The following QKI variants were observed in gnomAD, a reference collection of about 807,000 sequenced individuals.
The protein encoded by QKI is KH domain-containing RNA-binding protein QKI.
Under a neutral mutation model 39.0 loss-of-function variants are expected in QKI, and 10 were observed. The ratio of observed to expected loss-of-function variants is 0.26; its 90% confidence interval spans 0.16 to 0.43. The LOEUF is 0.43. Ranked by LOEUF, QKI falls within the 20% of genes least tolerant of loss-of-function variation. The probability of loss-of-function intolerance (pLI) is 1.00; values close to 1 mark genes in which losing one functional copy is unlikely to be tolerated. For missense variants in QKI, 218 were observed against 428.0 expected, an observed-to-expected ratio of 0.51 and a Z score of 4.33; for synonymous variants, 204 against 155.4, an observed-to-expected ratio of 1.31 and a Z score of -2.33.
chr6:163,525,702 T>A (rs1022466292), intron 3 of QKI, among the ~76,000 whole-genome samples: 3 of 152,204 alleles, frequency 2.0e-5, no homozygotes, highest in African/African-American at 7.2e-5. Context: ...GAAATAATTG[T>A]AATCTTGATT....
intron 3 of QKI, among the ~76,000 whole-genome samples, chr6:163,528,942 A>C (rs997292515): frequency 6.6e-6 from 1 of 152,156 alleles, no homozygotes; most frequent in Non-Finnish European, 1.5e-5. Context: ...CTTTGCTGTT[A>C]TATTGAGATA....
At chr6:163,482,332 ACAC>A (rs1467432206) in intron 3 of QKI, among the ~76,000 whole-genome samples, 2 of 152,206 alleles carry the variant, frequency 1.3e-5, no homozygotes, top group Non-Finnish European at 2.9e-5. Context: ...ACCATTTCAC[ACAC>A]CACCCAGTAC....
At chr6:163,533,999 A>G (rs1218429500) in intron 3 of QKI, among the ~76,000 whole-genome samples, 2 of 152,236 alleles carry the variant, frequency 1.3e-5, no homozygotes, top group African/African-American at 4.8e-5. Context: ...AACTTCTAAA[A>G]TAAAGGTCCA....
chr6:163,419,491 C>G (rs999835688), intron 1 of QKI, among the ~76,000 whole-genome samples: 1 of 152,072 alleles, frequency 6.6e-6, no homozygotes, highest in Admixed American at 6.5e-5. Context: ...ATAATCTGTT[C>G]TTTAGAAACT....
intron 3 of QKI, among the ~76,000 whole-genome samples, chr6:163,511,257 T>C (rs1779456096): frequency 6.6e-6 from 1 of 152,154 alleles, no homozygotes; most frequent in Non-Finnish European, 1.5e-5. Context: ...AATTTATATA[T>C]TTAATTATGT....
At chr6:163,564,596 A>G in intron 6 of QKI, 1 of 1,608,974 alleles carries the variant, frequency 6.2e-7, no homozygotes, top group South Asian at 1.1e-5. Context: ...ATCATAATAT[A>G]AACGCTTGGT....
intron 3 of QKI, among the ~76,000 whole-genome samples, chr6:163,483,599 G>A (rs1793247465): frequency 6.6e-6 from 1 of 152,142 alleles, no homozygotes; most frequent in Admixed American, 6.5e-5. Flanking sequence ...TCCTGATCAA[G>A]TTTGATCATG....
chr6:163,421,423 T>C (rs1452019519), intron 1 of QKI, among the ~76,000 whole-genome samples: 1 of 152,214 alleles, frequency 6.6e-6, no homozygotes, highest in Non-Finnish European at 1.5e-5. Flanking sequence ...TGGAATTATA[T>C]AGGTAAACTC....
At chr6:163,443,080 AAGG>A (rs1439582270) in intron 1 of QKI, among the ~76,000 whole-genome samples, 1 of 152,200 alleles carries the variant, frequency 6.6e-6, no homozygotes, top group Non-Finnish European at 1.5e-5. Flanking sequence ...GGTTTAATTA[AAGG>A]AGATCATATT....
chr6:163,478,645 C>G, intron 2 of QKI, 135 bp from the exon 3 acceptor site: 1 of 620,334 alleles, frequency 1.6e-6, no homozygotes, highest in Non-Finnish European at 2.8e-6. Flanking sequence ...TTCATAAGGG[C>G]TCTAGATTTT....
At chr6:163,533,257 T>C (rs1308337054) in intron 3 of QKI, among the ~76,000 whole-genome samples, 2 of 152,324 alleles carry the variant, frequency 1.3e-5, no homozygotes, top group African/African-American at 2.4e-5. Context: ...GTTAGAGATA[T>C]TAATACATAT....
intron 4 of QKI, among the ~76,000 whole-genome samples, chr6:163,540,253 AG>A (rs1273583599): frequency 6.6e-6 from 1 of 152,060 alleles, no homozygotes; most frequent in Non-Finnish European, 1.5e-5. Context: ...GGTGGGGAGT[AG>A]GGAGGGGCAG....
chr6:163,468,817 G>C (rs139228407), intron 2 of QKI, among the ~76,000 whole-genome samples: 1 of 152,094 alleles, frequency 6.6e-6, no homozygotes, highest in Non-Finnish European at 1.5e-5. Flanking sequence ...CAGAACTGGC[G>C]TGATAAATCA....
At chr6:163,504,135 G>T (rs1778953307) in intron 3 of QKI, among the ~76,000 whole-genome samples, 1 of 152,042 alleles carries the variant, frequency 6.6e-6, no homozygotes, top group Non-Finnish European at 1.5e-5. Flanking sequence ...TTGAATGGGG[G>T]ATCTGTTCCC....
rs1582936978 is a variant in QKI, at chr6:163,415,097, C to G, written c.-97C>G. 2 of 1,020,238 alleles carry G rather than the reference C, an allele frequency of 2.0e-6. No individual in the cohort carries two copies. Among genetic ancestry groups the G allele is most frequent in the Non-Finnish European group, 2.4e-6 (2 of 849,884 alleles). The allele number at this position is 1,020,238 out of a possible 1,614,324, so 63.2% of individuals were successfully genotyped here. Reference sequence around the variant, plus strand: ...GCCGGCGCGGAGCGGGACGCCGGGTCCCGAGCGGCCCGCGGCCGGGGCTCG... The same window carrying G: ...GCCGGCGCGGAGCGGGACGCCGGGTGCCGAGCGGCCCGCGGCCGGGGCTCG... On this transcript the variant is annotated 5_prime_UTR_variant, in exon 1 of 8. Coordinates refer to ENST00000361752, the MANE Select transcript of QKI (RefSeq NM_006775.3).
At chr6:163,421,355 C>A (rs894651634) in intron 1 of QKI, among the ~76,000 whole-genome samples, 1 of 152,192 alleles carries the variant, frequency 6.6e-6, no homozygotes, top group African/African-American at 2.4e-5. Context: ...GGTATCAATT[C>A]ATAAGCAGAG....
chr6:163,480,540 C>G (rs1415300606), intron 3 of QKI, among the ~76,000 whole-genome samples: 1 of 152,096 alleles, frequency 6.6e-6, no homozygotes, highest in Non-Finnish European at 1.5e-5. Context: ...GCAAAAAGTT[C>G]TCATAATATT....
At chr6:163,463,855 G>C (rs1257939434) in intron 2 of QKI, among the ~76,000 whole-genome samples, 1 of 152,140 alleles carries the variant, frequency 6.6e-6, no homozygotes, top group East Asian at 1.9e-4. Flanking sequence ...CCTTTATTTT[G>C]CTGCTACCCA....
In QKI at chr6:163,437,878, T is replaced by G. The variant is rs144483758; in HGVS notation, c.143-17401T>G. On this transcript the variant is annotated intron_variant, in intron 1 of 7. Transcript: ENST00000361752. Reference sequence around the variant, plus strand: ...CTAATTTTAAACTCCGGAAAAGTGGTTAAGCCAAAAAAGGTCAGATCCTGG... The same window carrying G: ...CTAATTTTAAACTCCGGAAAAGTGGGTAAGCCAAAAAAGGTCAGATCCTGG... Among the ~76,000 whole-genome samples, 31 of 145,788 alleles carry G rather than the reference T, an allele frequency of 2.1e-4. No individual in the cohort carries two copies. In the East Asian group the frequency reaches 5.8e-3, roughly 27 times the overall value.
Sources: allele counts gnomAD v4.1 joint callset (sites outside exome capture counted in the v4.1 genomes callset), GRCh38; gene constraint gnomAD v4.1.1; transcripts MANE v1.5; gene names NCBI Gene and HGNC (gene_info 2026-07-23, HGNC 2026-07-21).